The following PRSS37 variants were observed in gnomAD, a reference collection of about 807,000 sequenced individuals.
PRSS37 encodes the protein probable inactive serine protease 37.
In PRSS37, 25 loss-of-function variants were observed where a neutral mutation model predicts 28.0. The observed-to-expected ratio is 0.89, with a 90% CI of 0.65 to 1.25. The LOEUF (loss-of-function observed/expected upper bound fraction) is 1.25. Ranked by LOEUF, PRSS37 falls within the 50% of genes most tolerant of loss-of-function variation. PRSS37 has a pLI of 0.00. For synonymous variants in PRSS37, 109 were observed against 107.8 expected, an observed-to-expected ratio of 1.01 and a Z score of -0.07; for missense variants, 282 against 292.2, an observed-to-expected ratio of 0.97 and a Z score of 0.25.
chr7:141,840,703 A>G (rs1483454153), intron 1 of PRSS37, among the ~76,000 whole-genome samples: 6 of 152,166 alleles, frequency 3.9e-5, no homozygotes, highest in Non-Finnish European at 8.8e-5. Context: ...GGACTACAGA[A>G]GGTAGGGTCC....
intron 4 of PRSS37, among the ~76,000 whole-genome samples, chr7:141,836,857 CA>C (rs1800974987): frequency 6.6e-6 from 1 of 152,100 alleles, no homozygotes; most frequent in African/African-American, 2.4e-5. Context: ...TGCCTATTTT[CA>C]CAATTTTGCT....
intron 3 of PRSS37, chr7:141,837,614 A>G: frequency 6.6e-7 from 1 of 1,513,806 alleles, no homozygotes. Context: ...GCCTCTGTGC[A>G]GAGTCAGATG....
intron 3 of PRSS37, 167 bp downstream of exon 3, chr7:141,837,693 G>A (rs765051201): frequency 6.6e-7 from 1 of 1,526,114 alleles, no homozygotes; most frequent in Non-Finnish European, 8.9e-7. Context: ...GAAAGGAGGA[G>A]CTTTGTTCCT....
At chr7:141,839,507 C>T in intron 1 of PRSS37, 28 bp from the exon 2 acceptor site, 1 of 1,538,894 alleles carries the variant, frequency 6.5e-7, no homozygotes, top group South Asian at 1.2e-5. Flanking sequence ...ATTCTTAATA[C>T]ATAAATATTA....
intron 3 of PRSS37, 95 bp downstream of exon 3, chr7:141,837,765 C>A: frequency 6.4e-7 from 1 of 1,559,410 alleles, no homozygotes; most frequent in Non-Finnish European, 8.7e-7. Flanking sequence ...TCCTTTCACT[C>A]TCCTTTCCTC....
At chr7:141,839,280 C>T (rs1801080436) in intron 2 of PRSS37, 58 bp downstream of exon 2, 9 of 1,564,570 alleles carry the variant, frequency 5.8e-6, no homozygotes, top group Non-Finnish European at 7.9e-6. Context: ...TATATGAGAA[C>T]CACTGATCTA....
In PRSS37 at chr7:141,839,261, A is replaced by T; in HGVS notation, c.176+77T>A. 2.8e-6 allele frequency: 4 copies of T among 1,452,388 alleles called. No individual in the cohort carries two copies. The South Asian group carries it at 4.8e-5, about 18-fold the overall frequency. 90.0% of individuals were successfully genotyped at this position (1,452,388 alleles called of 1,614,324 possible). ...CATTGCCAAGTGTACCCTGTAGAGA[A>T]GTTACCCTTATATGAGAACCACTGA... On this transcript the variant is annotated intron_variant, in intron 2 of 4. Coordinates refer to ENST00000350549, the MANE Select transcript of PRSS37 (RefSeq NM_001008270.3).
chr7:141,841,105 CG>C lies in PRSS37; in HGVS notation c.-57del. 3 of 1,610,574 alleles carry C rather than the reference CG, an allele frequency of 1.9e-6. No homozygotes were observed. Among genetic ancestry groups the C allele is most frequent in the Non-Finnish European group, 2.5e-6 (3 of 1,177,700 alleles). On this transcript the variant is annotated 5_prime_UTR_variant, in exon 1 of 5. Coordinates refer to ENST00000350549, the MANE Select transcript of PRSS37 (RefSeq NM_001008270.3). ...AGAAGAAAATCAGCAGAGTGTGGAG[CG>C]GTTGGCTTAGTTGTCTTCTCAGGAA...
chr7:141,838,991 A>G (rs890823687), intron 2 of PRSS37: 4 of 479,140 alleles, frequency 8.3e-6, no homozygotes, highest in Middle Eastern at 3.1e-4. Context: ...TTTAAGTGAT[A>G]AAATGCATTC....
intron 2 of PRSS37, chr7:141,838,363 G>C: frequency 7.4e-7 from 1 of 1,352,906 alleles, no homozygotes; most frequent in Non-Finnish European, 9.5e-7. Flanking sequence ...TTAATGTTGT[G>C]TTCTTTAATG....
chr7:141,838,632 C>A (rs1241307346), intron 2 of PRSS37: 2 of 255,354 alleles, frequency 7.8e-6, no homozygotes, highest in African/African-American at 2.3e-5. Context: ...CAGAAAGTAA[C>A]TGGAGGAAGA....
intron 4 of PRSS37, among the ~76,000 whole-genome samples, chr7:141,836,907 T>C (rs761325019): frequency 1.3e-5 from 2 of 152,326 alleles, no homozygotes; most frequent in Non-Finnish European, 2.9e-5. Context: ...ATGGTGTGCT[T>C]AACTGGAAGT....
chr7:141,838,341 CTTCACTACATTTTAATGTTGTG>C, intron 2 of PRSS37: 9 of 1,391,174 alleles, frequency 6.5e-6, no homozygotes, highest in Non-Finnish European at 8.4e-6. Context: ...TAGTGGAGCC[CTTCACTACATTTTAATGTTGTG>C]TTCTTTAATG....
At chr7:141,836,570 AGAGT>A (rs1373983801) in intron 4 of PRSS37, 35 bp from the exon 5 acceptor site, 2 of 1,609,484 alleles carry the variant, frequency 1.2e-6, no homozygotes, top group East Asian at 2.2e-5. Context: ...AGAGAGAGAG[AGAGT>A]AAGAGTGTCA....
intron 2 of PRSS37, 140 bp downstream of exon 2, chr7:141,839,198 A>G (rs556399429): frequency 1.3e-6 from 1 of 761,750 alleles, no homozygotes; most frequent in African/African-American, 1.8e-5. Flanking sequence ...TGCCAATAGC[A>G]CTGCCCCCTG....
At position 141,837,900 on chromosome 7, in the gene PRSS37, G is replaced by A; in HGVS notation, c.390C>T (p.Val130=). The change falls in exon 3 of 5, where the codon GTC becomes GTT. Residue 130 remains valine, a synonymous_variant. Coordinates refer to ENST00000350549, the MANE Select transcript of PRSS37 (RefSeq NM_001008270.3). ...TCCAGTCCAAACCTGAGAGTAGACA[G>A]ACAGTGCCTGGCCTGACATTGGTGG... ...LATTNVRPGT[V]CLLSGLDWSQ... The A allele has an allele frequency of 1.2e-6, 2 of 1,614,000 alleles. No homozygotes were observed. The highest frequency in any genetic ancestry group is 1.7e-6 in the Non-Finnish European group (2 of 1,179,926).
At position 141,841,115 on chromosome 7, in the gene PRSS37, A is replaced by T; in HGVS notation, c.-66T>A. 6.2e-7 allele frequency: 1 copy of T among 1,609,392 alleles called. No individual in the cohort carries two copies. Among genetic ancestry groups the T allele is most frequent in the Non-Finnish European group, 8.5e-7 (1 of 1,176,958 alleles). On this transcript the variant is annotated 5_prime_UTR_variant, in exon 1 of 5. Transcript: ENST00000350549. Reference sequence around the variant, plus strand: ...CAGCAGAGTGTGGAGCGGTTGGCTTAGTTGTCTTCTCAGGAACACCTGGTA... The same window carrying T: ...CAGCAGAGTGTGGAGCGGTTGGCTTTGTTGTCTTCTCAGGAACACCTGGTA...
Position 141,837,195 on chromosome 7 carries a change from C to G in PRSS37, c.484G>C (p.Glu162Gln), listed in dbSNP as rs1232574669. The change falls in exon 4 of 5, where the codon GAA becomes CAA. Residue 162 changes from glutamate (E) to glutamine (Q), a missense_variant. Coordinates refer to ENST00000350549, the MANE Select transcript of PRSS37 (RefSeq NM_001008270.3). ...TTTCCTTGTTCTGTTTTTTGGCATT[C>G]TCGATCAGACATCACGGGGGCCTCC... ...NLEAPVMSDR[E>Q]CQKTEQGKSH... 1.9e-6 allele frequency: 3 copies of G among 1,612,894 alleles called. No homozygotes were observed. The highest frequency in any genetic ancestry group is 2.5e-6 in the Non-Finnish European group (3 of 1,179,604).
chr7:141,839,645 G>A (rs553733084), intron 1 of PRSS37, among the ~76,000 whole-genome samples, 166 bp from the exon 2 acceptor site: 13 of 152,108 alleles, frequency 8.5e-5, no homozygotes, highest in Middle Eastern at 3.4e-3. Context: ...AAAACGATAT[G>A]CCATTTTATC....
Sources: gnomAD v4.1 joint callset for allele counts (sites outside exome capture counted in the v4.1 genomes callset) on GRCh38, gnomAD v4.1.1 for gene constraint, MANE v1.5 for transcripts, NCBI Gene and HGNC (gene_info 2026-07-23, HGNC 2026-07-21) for gene names.